Variants in MYO15A observed in about 807,000 individuals in gnomAD.
MYO15A encodes myosin XVA, also known as unconventional myosin-XV.
A neutral mutation model predicts 394.6 loss-of-function variants in MYO15A; 308 were observed. The observed-to-expected ratio is 0.78, with a 90% confidence interval of 0.71 to 0.86. The LOEUF is 0.86. Ranked by LOEUF, MYO15A falls within the 40% of genes least tolerant of loss-of-function variation. The pLI is 0.00. For missense variants in MYO15A, 4,606 were observed against 4,799.1 expected, an observed-to-expected ratio of 0.96 and a Z score of 1.19; for synonymous variants, 1,957 against 2,003.8, an observed-to-expected ratio of 0.98 and a Z score of 0.62.
Position 18,151,236 on chromosome 17 carries a change from A to T in MYO15A, c.7600A>T (p.Ile2534Phe), listed in dbSNP as rs1428540001. The change falls in exon 39 of 66, where the codon ATC becomes TTC. Residue 2534 changes from isoleucine (I) to phenylalanine (F), a missense_variant. Around this residue, in one of 2 missense-constraint regions of MYO15A, gnomAD observed 2,776 missense variants for 3,109.3 expected, o/e 0.89. Coordinates refer to ENST00000647165, the MANE Select transcript of MYO15A (RefSeq NM_016239.4). The stretch of plus-strand genomic sequence containing the variant: ...TCTGGCCAAGGCTCCAAGGCTCCCC[A>T]TCAAGCCTGTGGCTGCCCCTGTTCT... Reference protein sequence around the residue: ...APLAKAPRLPIKPVAAPVLAQ... With the variant: ...APLAKAPRLPFKPVAAPVLAQ... The T allele has an allele frequency of 6.2e-7, 1 of 1,614,100 alleles. No homozygotes were observed. Among genetic ancestry groups the T allele is most frequent in the East Asian group, 2.2e-5 (1 of 44,856 alleles).
intron 1 of MYO15A, among the ~76,000 whole-genome samples, chr17:18,112,891 G>A (rs2045739429): frequency 6.6e-6 from 1 of 151,142 alleles, no homozygotes; most frequent in Non-Finnish European, 1.5e-5. Context: ...TCTGTCACCT[G>A]GACCGGAGTG....
In MYO15A at chr17:18,119,412, C is replaced by T. The variant is rs1185654638; in HGVS notation, c.612C>T (p.Gly204=). ...TCTACGCGTCAGGCGAGCCCCTGGG[C>T]TTCCTGCCCTTCGAGGACGAGGCCC... ...RSIYASGEPL[G]FLPFEDEAPF... Residue 204 remains glycine, a synonymous_variant, in exon 2 of 66, where the codon GGC becomes GGT. Transcript: ENST00000647165. 5 of 1,611,886 alleles carry T rather than the reference C, an allele frequency of 3.1e-6. No individual in the cohort carries two copies. Among genetic ancestry groups the T allele is most frequent in the Non-Finnish European group, 4.2e-6 (5 of 1,179,956 alleles).
Position 18,152,126 on chromosome 17 carries a change from C to T in MYO15A, c.7908C>T (p.Ala2636=), listed in dbSNP as rs201535856. Residue 2636 remains alanine, a synonymous_variant, in exon 42 of 66, where the codon GCC becomes GCT. Coordinates refer to ENST00000647165, the MANE Select transcript of MYO15A (RefSeq NM_016239.4). ...AAPGTQVSRE[A]VALVKPVTSA... ...GGGTGGGACAGGTGTCCAGAGAGGC[C>T]GTGGCCCTGGTGAAGCCGGTGACCA... 2.0e-3 allele frequency: 3,033 copies of T among 1,551,306 alleles called. 2 individuals are homozygous for T. The highest frequency in any genetic ancestry group is 2.7e-3 in the Middle Eastern group (16 of 5,914).
chr17:18,161,203 C>T (rs1567660283), intron 56 of MYO15A, 114 bp from the exon 57 acceptor site: 2 of 1,412,850 alleles, frequency 1.4e-6, no homozygotes, highest in Admixed American at 2.0e-5. Context: ...GGGGCATCCT[C>T]AGGGGACAGG....
At position 18,120,594 on chromosome 17, in the gene MYO15A, C is replaced by T. The variant is rs766807426; in HGVS notation, c.1794C>T (p.Gly598=). The T allele has an allele frequency of 1.3e-6, 2 of 1,597,202 alleles. No homozygotes were observed. Among genetic ancestry groups the T allele is most frequent in the Non-Finnish European group, 1.7e-6 (2 of 1,174,154 alleles). ...GGGGCAGCCAGAAGGCCCGGGCGGG[C>T]GGCCCTGCTGTCAGGGAGGCGGCCT... ...RLRGSQKARA[G]GPAVREAAYK... The change falls in exon 2 of 66, where the codon GGC becomes GGT. Residue 598 remains glycine (G), a synonymous_variant. Transcript: ENST00000647165.
At chr17:18,156,848 C>T (rs1597809190) in intron 48 of MYO15A, 106 bp from the exon 49 acceptor site, 2 of 1,010,350 alleles carry the variant, frequency 2.0e-6, no homozygotes, top group Admixed American at 3.7e-5. Flanking sequence ...AATGAAGGCT[C>T]CCTTCCCTGA....
In MYO15A at chr17:18,155,081, G is replaced by C. The variant is rs1317019396; in HGVS notation, c.8225-29G>C. On this transcript the variant is annotated intron_variant, in intron 45 of 65. Coordinates refer to ENST00000647165, the MANE Select transcript of MYO15A (RefSeq NM_016239.4). ...GGGGGTTGCCAGGGGAGTGGGGAGA[G>C]GGTCCTGACCAGACCTGGCCTCCCA... 3.8e-6 allele frequency: 6 copies of C among 1,597,532 alleles called. No individual in the cohort carries two copies. In the Admixed American group the frequency reaches 8.5e-5, roughly 23 times the overall value.
Position 18,119,799 on chromosome 17 carries a change from G to A in MYO15A, c.999G>A (p.Glu333=). The A allele has an allele frequency of 6.2e-7, 1 of 1,613,112 alleles. No homozygotes were observed. The highest frequency in any genetic ancestry group is 8.5e-7 in the Non-Finnish European group (1 of 1,179,990). The change falls in exon 2 of 66, where the codon GAG becomes GAA. Residue 333 remains glutamate, a synonymous_variant. Transcript: ENST00000647165. ...CTTACAGCTACCACGATGGGTACGA[G>A]GGCGAGGCGCACCCTTATGGCTACT... is the stretch of plus-strand genomic sequence containing the variant. ...SSPYSYHDGY[E]GEAHPYGYYL...
chr17:18,139,040 A>G (rs1374431535), intron 18 of MYO15A, 104 bp downstream of exon 18: 2 of 1,497,016 alleles, frequency 1.3e-6, no homozygotes, highest in Non-Finnish European at 9.1e-7. Flanking sequence ...GCCAGGTCCA[A>G]TTCTGGCTCT....
In MYO15A at chr17:18,161,810, C is replaced by T. The variant is rs374306767; in HGVS notation, c.9517+363C>T. Among the ~76,000 whole-genome samples, 13 of 152,206 alleles carry T rather than the reference C, an allele frequency of 8.5e-5. No homozygotes were observed. In the East Asian group the frequency reaches 2.1e-3, roughly 25 times the overall value. On this transcript the variant is annotated intron_variant, in intron 57 of 65. Transcript: ENST00000647165. ...AGTACTGGGGTGCGGCCCTGCCTCT[C>T]TGACTGTTGGGACTCAGCAAGGGTC...
chr17:18,157,393 C>G (rs575399066), intron 50 of MYO15A, 163 bp downstream of exon 50: 8 of 1,065,548 alleles, frequency 7.5e-6, no homozygotes, highest in African/African-American at 6.3e-5. Flanking sequence ...GGTGGCCAGA[C>G]AGCCCAGCCC....
In MYO15A at chr17:18,137,595, C is replaced by T. The variant is rs2046302287; in HGVS notation, c.4791C>T (p.Phe1597=). 1 of 1,613,730 alleles carries T rather than the reference C, an allele frequency of 6.2e-7. No individual in the cohort carries two copies. Among genetic ancestry groups the T allele is most frequent in the Non-Finnish European group, 8.5e-7 (1 of 1,179,992 alleles). The stretch of plus-strand genomic sequence containing the variant: ...CATCCACCTGGCAGGACCTGAGCTT[C>T]AACAGCTTTGAGCAGCTGTGTATTA... ...LDIYGFEDLS[F]NSFEQLCINY... The change falls in exon 16 of 66, where the codon TTC becomes TTT. Residue 1597 remains phenylalanine, a synonymous_variant. Coordinates refer to ENST00000647165, the MANE Select transcript of MYO15A (RefSeq NM_016239.4).
At chr17:18,142,676 C>G in intron 24 of MYO15A, 80 bp from the exon 25 acceptor site, 1 of 1,253,014 alleles carries the variant, frequency 8.0e-7, no homozygotes, top group South Asian at 1.2e-5. Flanking sequence ...CCAGGCCAGG[C>G]TGGCAAGGGC....
In MYO15A at chr17:18,154,760, C is replaced by T; in HGVS notation, c.8224+5C>T. On this transcript the variant is annotated splice_donor_5th_base_variant and intron_variant, in intron 45 of 65. Coordinates refer to ENST00000647165, the MANE Select transcript of MYO15A (RefSeq NM_016239.4). ...TCAGGATGAAGGCCTTGTTTGGTAT[C>T]TCGGGGGAGAGGAGGGGTACTGATG... The T allele has an allele frequency of 6.2e-7, 1 of 1,613,316 alleles. No individual in the cohort carries two copies.
At chr17:18,131,687 C>T (rs1269749499) in intron 10 of MYO15A, among the ~76,000 whole-genome samples, 156 bp downstream of exon 10, 3 of 152,202 alleles carry the variant, frequency 2.0e-5, no homozygotes, top group Non-Finnish European at 2.9e-5. Flanking sequence ...CTCCCCTCCC[C>T]GACCCTCCTC....
chr17:18,131,657 T>C, intron 10 of MYO15A, 126 bp downstream of exon 10: 2 of 1,174,198 alleles, frequency 1.7e-6, no homozygotes, highest in Non-Finnish European at 2.5e-6. Context: ...TGCGTACATG[T>C]GTACATGTGA....
At position 18,166,065 on chromosome 17, in the gene MYO15A, C is replaced by T. The variant is rs184994426; in HGVS notation, c.9788-296C>T. 1.5e-3 allele frequency among the ~76,000 whole-genome samples: 232 copies of T among 152,262 alleles called. 2 individuals are homozygous for T. Among genetic ancestry groups the T allele is most frequent in the African/African-American group, 5.2e-3 (214 of 41,546 alleles). ...TTCCCAGATCCAGGCAGGCCACACTCGGGGCACTCCTCAGGAGCCCCTCTT... is the reference window on the plus strand; with the variant it reads ...TTCCCAGATCCAGGCAGGCCACACTTGGGGCACTCCTCAGGAGCCCCTCTT... On this transcript the variant is annotated intron_variant, in intron 60 of 65. Transcript: ENST00000647165.
At chr17:18,124,698 A>G (rs1334912155) in intron 3 of MYO15A, 133 bp downstream of exon 3, 1 of 858,958 alleles carries the variant, frequency 1.2e-6, no homozygotes, top group African/African-American at 1.7e-5. Context: ...GAAGTGTCAC[A>G]AAGACTAAAT....
chr17:18,164,145 G>T, intron 60 of MYO15A: 1 of 439,632 alleles, frequency 2.3e-6, no homozygotes, highest in Non-Finnish European at 4.3e-6. Context: ...ATCCTGGAAA[G>T]GTTTCCATTA....
Sources: allele counts gnomAD v4.1 joint callset (sites outside exome capture counted in the v4.1 genomes callset), GRCh38; gene constraint gnomAD v4.1.1; regional missense constraint gnomAD v4.1.1; transcripts MANE v1.5; gene names NCBI Gene and HGNC (gene_info 2026-07-23, HGNC 2026-07-21).